Variants in C5 observed in about 807,000 individuals in gnomAD.
C5 encodes the protein C3 and PZP-like alpha-2-macroglobulin domain-containing protein 4.
C5 carries 140 observed loss-of-function variants against 218.8 expected under a neutral mutation model. The ratio of observed to expected loss-of-function variants is 0.64; its 90% CI spans 0.56 to 0.74. C5 has a LOEUF of 0.74. Ranked by LOEUF, C5 falls within the 30% of genes least tolerant of loss-of-function variation. The pLI, the probability that C5 is intolerant of heterozygous loss-of-function variation, is 0.00. For synonymous variants in C5, 614 were observed against 682.3 expected (o/e 0.90, Z 1.56); for missense variants, 1,700 against 1,969.6 (o/e 0.86, Z 2.59).
intron 23 of C5, among the ~76,000 whole-genome samples, chr9:120,990,874 A>G (rs891833967): frequency 8.5e-5 from 13 of 152,256 alleles, no homozygotes; most frequent in Non-Finnish European, 1.5e-4. Flanking sequence ...GGGACTGGCC[A>G]CTAAGACCAT....
At chr9:120,958,136 C>G (rs532311796) in intron 38 of C5, among the ~76,000 whole-genome samples, 19 of 152,156 alleles carry the variant, frequency 1.2e-4, no homozygotes, top group Non-Finnish European at 2.5e-4. Context: ...TATAGATTGA[C>G]TGATTGAGAG....
chr9:120,989,483 T>C, intron 24 of C5, 85 bp downstream of exon 24: 1 of 897,896 alleles, frequency 1.1e-6, no homozygotes, highest in Non-Finnish European at 1.7e-6. Flanking sequence ...CAAAGTTTTC[T>C]ATAATTCACA....
intron 22 of C5, among the ~76,000 whole-genome samples, chr9:120,992,632 G>C (rs974012033): frequency 6.6e-5 from 10 of 152,212 alleles, no homozygotes; most frequent in African/African-American, 2.4e-4. Context: ...AAAAGGTAAA[G>C]AGAAAGTTAA....
chr9:120,986,382 C>T (rs959574044), intron 25 of C5, among the ~76,000 whole-genome samples: 2 of 145,874 alleles, frequency 1.4e-5, no homozygotes, highest in East Asian at 4.0e-4. Context: ...AAAAAAAAGA[C>T]GAATATAAAA....
chr9:121,025,712 T>A, intron 8 of C5, 132 bp from the exon 9 acceptor site: 2 of 812,886 alleles, frequency 2.5e-6, no homozygotes, highest in Non-Finnish European at 4.1e-6. Flanking sequence ...AAAAGTAAAG[T>A]AGATAACCGA....
chr9:121,031,910 A>G (rs2047478181), intron 6 of C5, among the ~76,000 whole-genome samples: 2 of 152,080 alleles, frequency 1.3e-5, no homozygotes, highest in Admixed American at 1.3e-4. Context: ...CTAAAAATAC[A>G]AAAATTAGCC....
At chr9:120,967,918 T>C (rs1337095974) in intron 33 of C5, among the ~76,000 whole-genome samples, 1 of 152,002 alleles carries the variant, frequency 6.6e-6, no homozygotes, top group Non-Finnish European at 1.5e-5. Context: ...AGATGGGGTC[T>C]GGCTATGGTG....
the C5 span, among the ~76,000 whole-genome samples, chr9:121,066,862 GA>G: frequency 0.039 from 5,256 of 134,972 alleles, 150 homozygotes; most frequent in Non-Finnish European, 0.049. Flanking sequence ...CTCAAAAAAA[GA>G]AAAAAAAAAA....
chr9:120,994,402 G>C (rs1419928239), intron 22 of C5, among the ~76,000 whole-genome samples: 1 of 151,962 alleles, frequency 6.6e-6, no homozygotes, highest in Non-Finnish European at 1.5e-5. Context: ...TGCCAACATG[G>C]TAAAACCCCG....
intron 20 of C5, among the ~76,000 whole-genome samples, chr9:121,003,297 A>G (rs557132101): frequency 1.3e-5 from 2 of 152,202 alleles, no homozygotes; most frequent in African/African-American, 4.8e-5. Context: ...TCTCAAAAAA[A>G]GAAAAAAAAA....
intron 4 of C5, among the ~76,000 whole-genome samples, chr9:121,035,966 C>T (rs919565518): frequency 2.1e-4 from 32 of 151,898 alleles, no homozygotes; most frequent in Admixed American, 3.3e-4. Context: ...GGGAGGATGG[C>T]TTGAGCCCAG....
chr9:121,018,691 GGAGGGA>G (rs2047333373), intron 12 of C5, among the ~76,000 whole-genome samples: 2 of 132,658 alleles, frequency 1.5e-5, no homozygotes. Context: ...AGGGAGGGAG[GGAGGGA>G]AAGAAAGAAA....
intron 28 of C5, among the ~76,000 whole-genome samples, chr9:120,978,825 C>G (rs1458318533): frequency 6.6e-6 from 1 of 152,124 alleles, no homozygotes; most frequent in African/African-American, 2.4e-5. Context: ...TGCTCAAAAT[C>G]CCCCAGTGGC....
chr9:120,970,372 A>T (rs1235028765), intron 31 of C5, 121 bp from the exon 32 acceptor site: 2 of 727,676 alleles, frequency 2.7e-6, no homozygotes, highest in Non-Finnish European at 4.9e-6. Context: ...ATCCAGCACA[A>T]ATGGTGTACA....
rs1440646499 is a variant in C5 at position 120,976,806 on chromosome 9, T to C, written c.3758A>G (p.Tyr1253Cys). 14 of 1,614,024 alleles carry C rather than the reference T, an allele frequency of 8.7e-6. No individual in the cohort carries two copies. Among genetic ancestry groups the C allele is most frequent in the Non-Finnish European group, 1.1e-5 (13 of 1,179,958 alleles). Residue 1253 changes from tyrosine (Y) to cysteine (C), a missense_variant, in exon 29 of 41, where the codon TAT becomes TGT. Tyr to Cys is a radical substitution (Grantham distance 194). Transcript: ENST00000223642. ...CAAGTTCAGACTGGTGAGTAAAGCATAGGCAGTTGTTTCTACCATACGTGC... is the reference window on the plus strand; with the variant it reads ...CAAGTTCAGACTGGTGAGTAAAGCACAGGCAGTTGTTTCTACCATACGTGC... ...GTARMVETTA[Y>C]ALLTSLNLKD...
chr9:120,974,667 A>C, intron 30 of C5, 112 bp downstream of exon 30: 1 of 1,032,808 alleles, frequency 9.7e-7, no homozygotes, highest in Non-Finnish European at 1.5e-6. Context: ...CATAGCTGAC[A>C]CTCAATATAT....
chr9:121,034,714 G>T, intron 5 of C5, 89 bp downstream of exon 5: 2 of 732,448 alleles, frequency 2.7e-6, no homozygotes, highest in Non-Finnish European at 4.9e-6. Flanking sequence ...GACACCCTTT[G>T]TTAACATTAG....
intron 39 of C5, among the ~76,000 whole-genome samples, 188 bp from the exon 40 acceptor site, chr9:120,954,056 C>T (rs1160583454): frequency 1.3e-5 from 2 of 152,206 alleles, no homozygotes; most frequent in African/African-American, 4.8e-5. Context: ...AAGCATGCTG[C>T]TTCCTGGCTA....
At chr9:121,038,090 A>G (rs150627465) in intron 3 of C5, 139 bp from the exon 4 acceptor site, 3 of 515,436 alleles carry the variant, frequency 5.8e-6, no homozygotes, top group Admixed American at 6.7e-5. Flanking sequence ...AAAAAACAAA[A>G]ATTAGTTTGC....
Sources: gnomAD v4.1 joint callset for allele counts (sites outside exome capture counted in the v4.1 genomes callset) on GRCh38, gnomAD v4.1.1 for gene constraint, MANE v1.5 for transcripts, NCBI Gene and HGNC (gene_info 2026-07-23, HGNC 2026-07-21) for gene names.